The following ADARB2 variants were observed in gnomAD, a reference collection of about 807,000 sequenced individuals.
The protein encoded by ADARB2 is inactive double-stranded RNA-specific editase B2.
In ADARB2, 25 loss-of-function variants were observed where a neutral mutation model predicts 62.2. That is an observed-to-expected ratio of 0.40 (90% CI 0.29 to 0.56). The LOEUF is 0.56. ADARB2 is among the 20% of genes least tolerant of loss of function. The probability of loss-of-function intolerance (pLI) is 0.43; values close to 1 mark genes in which losing one functional copy is unlikely to be tolerated. For synonymous variants in ADARB2, 572 were observed against 500.8 expected (o/e 1.14, Z -1.90); for missense variants, 1,071 against 1,077.4 (o/e 0.99, Z 0.08).
intron 1 of ADARB2, among the ~76,000 whole-genome samples, chr10:1,482,726 G>C (rs534427422): frequency 6.6e-6 from 1 of 152,028 alleles, no homozygotes; most frequent in Admixed American, 6.6e-5. Context: ...GCTGTCTCAC[G>C]ATATTCTTGT....
At chr10:1,552,183 GC>G (rs765486462) in intron 1 of ADARB2, among the ~76,000 whole-genome samples, 3 of 152,276 alleles carry the variant, frequency 2.0e-5, no homozygotes, top group Non-Finnish European at 4.4e-5. Context: ...CCCCCAGGAT[GC>G]CCATGGGGGG....
At chr10:1,623,985 C>T (rs1018059708) in intron 1 of ADARB2, among the ~76,000 whole-genome samples, 8 of 152,098 alleles carry the variant, frequency 5.3e-5, no homozygotes, top group African/African-American at 1.4e-4. Context: ...TATGATCTAG[C>T]GATTTGGGAG....
chr10:1,375,719 G>A (rs889300513), intron 2 of ADARB2, among the ~76,000 whole-genome samples: 18 of 152,156 alleles, frequency 1.2e-4, no homozygotes, highest in African/African-American at 3.4e-4. Flanking sequence ...CCTGACATAT[G>A]TGCGTGCACA....
intron 1 of ADARB2, among the ~76,000 whole-genome samples, chr10:1,720,011 A>T (rs1006463327): frequency 6.6e-6 from 1 of 152,252 alleles, no homozygotes; most frequent in African/African-American, 2.4e-5. Flanking sequence ...CCCAGCAGTC[A>T]CATTCCTGGG....
chr10:1,528,289 A>G (rs1832175827), intron 1 of ADARB2, among the ~76,000 whole-genome samples: 1 of 152,238 alleles, frequency 6.6e-6, no homozygotes, highest in Non-Finnish European at 1.5e-5. Flanking sequence ...AAAGGGACAT[A>G]TCAAATACTG....
chr10:1,501,213 G>A (rs1312831371), intron 1 of ADARB2, among the ~76,000 whole-genome samples: 2 of 152,152 alleles, frequency 1.3e-5, no homozygotes, highest in East Asian at 1.9e-4. Context: ...TAGTGTGTTT[G>A]GGCAGCTTAA....
chr10:1,605,108 A>G (rs765571242), intron 1 of ADARB2, among the ~76,000 whole-genome samples: 2 of 152,264 alleles, frequency 1.3e-5, no homozygotes, highest in African/African-American at 4.8e-5. Context: ...TGTCATCTAC[A>G]TAAAGCCAGA....
intron 1 of ADARB2, among the ~76,000 whole-genome samples, chr10:1,735,398 C>G (rs1005592511): frequency 1.3e-5 from 2 of 152,188 alleles, no homozygotes; most frequent in Non-Finnish European, 2.9e-5. Context: ...TGGAGAAAGG[C>G]AACACTTTCC....
At chr10:1,529,371 C>A (rs1832191552) in intron 1 of ADARB2, among the ~76,000 whole-genome samples, 1 of 152,218 alleles carries the variant, frequency 6.6e-6, no homozygotes, top group South Asian at 2.1e-4. Flanking sequence ...ATGCACCATG[C>A]CCAACACTGC....
At chr10:1,611,145 C>T (rs1047079823) in intron 1 of ADARB2, among the ~76,000 whole-genome samples, 5 of 152,174 alleles carry the variant, frequency 3.3e-5, no homozygotes, top group African/African-American at 7.2e-5. Flanking sequence ...CCCGTGGACC[C>T]GGCTTTCCCC....
At chr10:1,690,639 C>A (rs952156703) in intron 1 of ADARB2, among the ~76,000 whole-genome samples, 1 of 152,150 alleles carries the variant, frequency 6.6e-6, no homozygotes, top group Admixed American at 6.5e-5. Context: ...CTGCTCTCCT[C>A]CTTGCTCCTT....
rs550224252 is a variant in ADARB2 at position 1,371,709 on chromosome 10, G to A, written c.187+7365C>T. Among the ~76,000 whole-genome samples the A allele has an allele frequency of 4.7e-5, 7 of 149,886 alleles. No individual in the cohort carries two copies. In the East Asian group the frequency reaches 9.7e-4, roughly 21 times the overall value. On this transcript the variant is annotated intron_variant, in intron 2 of 9. Transcript: ENST00000381312. ...ACAAACATATGATAAAATGCTCAAC[G>A]TCACAGGGGAAATGCAAATTAAAAT...
At chr10:1,379,219 C>T (rs2131860050) in intron 1 of ADARB2, 59 bp from the exon 2 acceptor site, 1 of 1,378,976 alleles carries the variant, frequency 7.3e-7, no homozygotes, top group Non-Finnish European at 1.0e-6. Flanking sequence ...AAACTCAATG[C>T]TTTTATAAGT....
chr10:1,422,132 C>A (rs976525193), intron 1 of ADARB2, among the ~76,000 whole-genome samples: 1 of 152,154 alleles, frequency 6.6e-6, no homozygotes, highest in Non-Finnish European at 1.5e-5. Flanking sequence ...TTAACTTCCA[C>A]GAGTTTTTAA....
chr10:1,517,504 G>A (rs1028765071), intron 1 of ADARB2, among the ~76,000 whole-genome samples: 3 of 152,164 alleles, frequency 2.0e-5, no homozygotes, highest in Admixed American at 2.0e-4. Flanking sequence ...GAAAGGATGG[G>A]AAAACTTGCT....
In ADARB2 at chr10:1,478,706, G is replaced by C. The variant is rs1022933349; in HGVS notation, c.101-99546C>G. On this transcript the variant is annotated intron_variant, in intron 1 of 9. Coordinates refer to ENST00000381312, the MANE Select transcript of ADARB2 (RefSeq NM_018702.4). ...CCAAAACAAGGACCCTCGGACGGGA[G>C]AGCGCCAAAACAAGGACCCTCGGAC... Among the ~76,000 whole-genome samples, 44 of 151,692 alleles carry C rather than the reference G, an allele frequency of 2.9e-4. 1 individual carries two copies. The highest frequency in any genetic ancestry group is 1.0e-3 in the African/African-American group (42 of 41,296).
At chr10:1,713,260 G>C (rs980758906) in intron 1 of ADARB2, among the ~76,000 whole-genome samples, 4 of 152,188 alleles carry the variant, frequency 2.6e-5, no homozygotes, top group African/African-American at 7.2e-5. Flanking sequence ...TTTCAAGAAA[G>C]CTTAAGTGGA....
intron 3 of ADARB2, among the ~76,000 whole-genome samples, chr10:1,360,542 T>C (rs1321685393): frequency 1.3e-5 from 2 of 152,154 alleles, no homozygotes; most frequent in Non-Finnish European, 2.9e-5. Context: ...GTCTTTTCAT[T>C]TTTTCCCCCT....
At chr10:1,199,218 C>CCA (rs372284861) in intron 8 of ADARB2, among the ~76,000 whole-genome samples, 8 of 152,036 alleles carry the variant, frequency 5.3e-5, no homozygotes, top group African/African-American at 1.4e-4. Flanking sequence ...AAACCCACCC[C>CCA]CCCGCTTCCC....
Sources: allele counts gnomAD v4.1 joint callset (sites outside exome capture counted in the v4.1 genomes callset), GRCh38; gene constraint gnomAD v4.1.1; transcripts MANE v1.5; gene names NCBI Gene and HGNC (gene_info 2026-07-23, HGNC 2026-07-21).